Variants in INTS15 observed in about 807,000 individuals in gnomAD.
The protein encoded by INTS15 is uncharacterized protein C7orf26.
chr7:6,607,692 C>A, the INTS15 span: 1 of 1,527,298 alleles, frequency 6.5e-7, no homozygotes, highest in African/African-American at 1.4e-5. The surrounding 1 kb of genome is among the most constrained non-coding windows in gnomAD (Gnocchi z 6.0). Flanking sequence ...ACGTGGAGGC[C>A]ACCTGTGTGG....
chr7:6,590,512 G>A, the INTS15 span: 1 of 1,501,788 alleles, frequency 6.7e-7, no homozygotes, highest in Non-Finnish European at 8.9e-7. Flanking sequence ...GGGCCCCGCA[G>A]GCGGGCGGGC....
At chr7:6,590,992 C>T in the INTS15 span, among the ~76,000 whole-genome samples, 3,521 of 152,094 alleles carry the variant, frequency 0.023, 66 homozygotes, top group Middle Eastern at 0.051. Context: ...GCGTGCACCA[C>T]CATGCCCAGC....
chr7:6,606,699 T>G, the INTS15 span, among the ~76,000 whole-genome samples: 2 of 148,804 alleles, frequency 1.3e-5, no homozygotes, highest in Admixed American at 6.7e-5. Context: ...GAGGGCCTTT[T>G]TTTTTTTTTT....
chr7:6,592,327 A>T, the INTS15 span, among the ~76,000 whole-genome samples: 1 of 151,786 alleles, frequency 6.6e-6, no homozygotes, highest in Non-Finnish European at 1.5e-5. Context: ...GCACTTTGGG[A>T]GGCCGAAGGG....
At chr7:6,600,898 A>G in the INTS15 span, among the ~76,000 whole-genome samples, 2 of 151,912 alleles carry the variant, frequency 1.3e-5, no homozygotes, top group African/African-American at 4.8e-5. Context: ...CTACCATCCA[A>G]AGTGCTGGGA....
chr7:6,600,203 T>G, the INTS15 span: 7 of 1,614,062 alleles, frequency 4.3e-6, no homozygotes, highest in Non-Finnish European at 5.1e-6. Flanking sequence ...GCTGATCCTC[T>G]TCGACCACAT....
At chr7:6,598,784 TGTA>T in the INTS15 span, among the ~76,000 whole-genome samples, 442 of 92,322 alleles carry the variant, frequency 4.8e-3, 3 homozygotes, top group African/African-American at 0.021. Flanking sequence ...TGTGTGTGTG[TGTA>T]TTTTTTTTTT....
At chr7:6,590,548 CTG>C in the INTS15 span, 1 of 1,419,218 alleles carries the variant, frequency 7.0e-7, no homozygotes, top group Non-Finnish European at 9.2e-7. Flanking sequence ...CGATGCAGGG[CTG>C]TGTCAAGCCG....
the INTS15 span, among the ~76,000 whole-genome samples, chr7:6,598,066 C>A: frequency 6.6e-6 from 1 of 152,198 alleles, no homozygotes; most frequent in Non-Finnish European, 1.5e-5. Context: ...CACACATTTT[C>A]TACAGGCTGG....
chr7:6,594,694 G>A, the INTS15 span: 1 of 1,192,982 alleles, frequency 8.4e-7, no homozygotes, highest in East Asian at 2.4e-5. Context: ...TCCAGTGAAT[G>A]CTTTGGCTGT....
the INTS15 span, among the ~76,000 whole-genome samples, chr7:6,598,563 A>G: frequency 3.6e-4 from 55 of 151,836 alleles, no homozygotes; most frequent in African/African-American, 1.3e-3. Context: ...TCATACTCCA[A>G]CAGTTGGCAG....
At chr7:6,594,523 A>C in the INTS15 span, 1 of 1,614,136 alleles carries the variant, frequency 6.2e-7, no homozygotes, top group Non-Finnish European at 8.5e-7. Context: ...CAGACGCTGA[A>C]GCAGATATTC....
At chr7:6,592,329 G>C in the INTS15 span, among the ~76,000 whole-genome samples, 41 of 151,878 alleles carry the variant, frequency 2.7e-4, no homozygotes, top group African/African-American at 8.9e-4. Flanking sequence ...ACTTTGGGAG[G>C]CCGAAGGGGG....
At chr7:6,607,701 G>C in the INTS15 span, 2 of 1,524,124 alleles carry the variant, frequency 1.3e-6, no homozygotes, top group African/African-American at 1.4e-5. The surrounding 1 kb of genome is among the most constrained non-coding windows in gnomAD (Gnocchi z 6.0). Context: ...CCACCTGTGT[G>C]GGCTGCGCGC....
the INTS15 span, chr7:6,590,471 C>T: frequency 1.3e-6 from 2 of 1,586,430 alleles, no homozygotes; most frequent in Non-Finnish European, 1.7e-6. Context: ...AGCGCGCAGC[C>T]CAAGGTGCGG....
chr7:6,598,685 GCCT>G, the INTS15 span, among the ~76,000 whole-genome samples: 6 of 147,532 alleles, frequency 4.1e-5, no homozygotes, highest in South Asian at 1.1e-3. Flanking sequence ...GCACAGTATA[GCCT>G]CCTGATTAAA....
At chr7:6,608,008 C>G in the INTS15 span, 1 of 1,600,300 alleles carries the variant, frequency 6.2e-7, no homozygotes, top group Non-Finnish European at 8.5e-7. Flanking sequence ...CGCCTCACGC[C>G]GCGCTCCCCC....
At chr7:6,599,942 A>G in the INTS15 span, 69 of 1,614,090 alleles carry the variant, frequency 4.3e-5, no homozygotes, top group African/African-American at 1.5e-4. Flanking sequence ...CAATCTGCCA[A>G]TAGGATTCTT....
chr7:6,607,444 TG>T, the INTS15 span: 1 of 747,302 alleles, frequency 1.3e-6, no homozygotes, highest in Non-Finnish European at 1.8e-6. The surrounding 1 kb of genome is among the most constrained non-coding windows in gnomAD (Gnocchi z 6.0). Flanking sequence ...CGGGGCGGGG[TG>T]GGAGGTGGGT....
Sources: gnomAD v4.1 joint callset for allele counts (sites outside exome capture counted in the v4.1 genomes callset) on GRCh38, gnomAD v4.1.1 for gene constraint, Gnocchi (gnomAD v3.1) non-coding constraint, MANE v1.5 for transcripts, NCBI Gene and HGNC (gene_info 2026-07-23, HGNC 2026-07-21) for gene names.